The following CSMD3 variants were observed in gnomAD, a reference collection of about 807,000 sequenced individuals.
CSMD3 encodes CUB and Sushi multiple domains 3, also known as CUB and sushi domain-containing protein 3.
A neutral mutation model predicts 435.2 loss-of-function variants in CSMD3; 177 were observed. The ratio of observed to expected loss-of-function variants is 0.41; its 90% CI spans 0.36 to 0.46. The LOEUF is 0.46. CSMD3 is among the 20% of genes least tolerant of loss of function. The pLI is 0.34. For synonymous variants in CSMD3, 1,656 were observed against 1,520.5 expected (o/e 1.09, Z -2.07); for missense variants, 4,265 against 4,504.6 (o/e 0.95, Z 1.52).
intron 24 of CSMD3, among the ~76,000 whole-genome samples, chr8:112,569,570 T>G (rs1296104366): frequency 6.6e-6 from 1 of 152,162 alleles, no homozygotes; most frequent in Non-Finnish European, 1.5e-5. Flanking sequence ...CAAATGCAGT[T>G]TTATCTACCC....
At chr8:112,443,155 T>C (rs73702810) in intron 32 of CSMD3, among the ~76,000 whole-genome samples, 2,666 of 152,282 alleles carry the variant, frequency 0.018, 80 homozygotes, top group African/African-American at 0.061. Flanking sequence ...GTGGAGTGTT[T>C]AAGACACTAG....
At chr8:112,260,074 C>G (rs1489758792) in intron 61 of CSMD3, among the ~76,000 whole-genome samples, 1 of 152,110 alleles carries the variant, frequency 6.6e-6, no homozygotes, top group Non-Finnish European at 1.5e-5. Context: ...ACTTAAGACA[C>G]AGAATTTCTT....
intron 1 of CSMD3, among the ~76,000 whole-genome samples, chr8:113,343,800 G>A (rs1258468053): frequency 6.6e-6 from 1 of 152,078 alleles, no homozygotes; most frequent in Non-Finnish European, 1.5e-5. Context: ...AGCCGGGTGC[G>A]GTGGCTCATG....
chr8:112,281,614 T>G (rs993512590), intron 58 of CSMD3, among the ~76,000 whole-genome samples: 14 of 152,104 alleles, frequency 9.2e-5, no homozygotes, highest in African/African-American at 3.4e-4. Flanking sequence ...AAAATAATTA[T>G]TCAAAGAGTA....
intron 32 of CSMD3, among the ~76,000 whole-genome samples, chr8:112,420,194 T>C (rs1812325655): frequency 6.6e-6 from 1 of 152,150 alleles, no homozygotes; most frequent in Non-Finnish European, 1.5e-5. Flanking sequence ...GACATAATAG[T>C]AAACACCCAT....
intron 31 of CSMD3, among the ~76,000 whole-genome samples, chr8:112,476,516 C>T (rs1175126358): frequency 6.6e-6 from 1 of 152,056 alleles, no homozygotes; most frequent in Non-Finnish European, 1.5e-5. Flanking sequence ...AATTTTTTTA[C>T]ATGTAATATC....
rs528697453 is a variant in CSMD3 at position 112,280,753 on chromosome 8, G to A, written c.9508+421C>T. On this transcript the variant is annotated intron_variant, in intron 59 of 70. Transcript: ENST00000297405. Reference sequence around the variant, plus strand: ...ATAACAAGAGAGCAAATCAGTTATCGAGACTCACTACGACAGTGCAAGAAC... The same window carrying A: ...ATAACAAGAGAGCAAATCAGTTATCAAGACTCACTACGACAGTGCAAGAAC... Among the ~76,000 whole-genome samples, 13 of 152,156 alleles carry A rather than the reference G, an allele frequency of 8.5e-5. No individual in the cohort carries two copies. The East Asian group carries it at 1.5e-3, about 18-fold the overall frequency.
intron 5 of CSMD3, among the ~76,000 whole-genome samples, chr8:113,028,000 T>C (rs1270595467): frequency 6.6e-6 from 1 of 152,128 alleles, no homozygotes; most frequent in Non-Finnish European, 1.5e-5. Flanking sequence ...TTTGCATTTT[T>C]GTTTATTGTG....
At chr8:112,335,275 C>T (rs1824449094) in intron 45 of CSMD3, 54 bp downstream of exon 45, 7 of 1,549,858 alleles carry the variant, frequency 4.5e-6, no homozygotes, top group South Asian at 3.4e-5. Context: ...TCACTTTTTT[C>T]CAGGACAAAT....
chr8:113,409,257 A>AT (rs560966097), intron 1 of CSMD3, among the ~76,000 whole-genome samples: 53 of 150,084 alleles, frequency 3.5e-4, no homozygotes, highest in African/African-American at 1.1e-3. Flanking sequence ...TAATTTTTGT[A>AT]TTTTTTTAGT....
chr8:113,227,318 G>A (rs1274718665), intron 3 of CSMD3, among the ~76,000 whole-genome samples: 1 of 151,604 alleles, frequency 6.6e-6, no homozygotes, highest in Admixed American at 6.6e-5. Flanking sequence ...TCTAGGACAT[G>A]TGCCTTACTT....
chr8:112,565,882 T>C (rs1406085932), intron 24 of CSMD3, among the ~76,000 whole-genome samples: 3 of 151,962 alleles, frequency 2.0e-5, no homozygotes, highest in African/African-American at 4.8e-5. Flanking sequence ...CTTCAACAAA[T>C]AGAGTTTAGA....
intron 28 of CSMD3, among the ~76,000 whole-genome samples, chr8:112,508,633 C>G (rs944947798): frequency 6.6e-5 from 10 of 152,064 alleles, no homozygotes; most frequent in African/African-American, 2.4e-4. Context: ...TTCTCTCTAG[C>G]TTTGTTTAGC....
At chr8:113,255,669 T>C (rs1000725915) in intron 3 of CSMD3, among the ~76,000 whole-genome samples, 2 of 151,906 alleles carry the variant, frequency 1.3e-5, no homozygotes, top group African/African-American at 2.4e-5. Context: ...TAATAAAGGG[T>C]GCCAACAAAT....
chr8:113,114,612 T>C (rs1308559556), intron 4 of CSMD3, among the ~76,000 whole-genome samples: 1 of 152,118 alleles, frequency 6.6e-6, no homozygotes, highest in Admixed American at 6.6e-5. Context: ...GTACAGTAAT[T>C]TTTTATTCTT....
chr8:112,313,347 G>A (rs1407486469), intron 49 of CSMD3, among the ~76,000 whole-genome samples: 4 of 151,916 alleles, frequency 2.6e-5, no homozygotes, highest in Non-Finnish European at 5.9e-5. Flanking sequence ...TCTCTCTTTC[G>A]ACATTTAAGA....
intron 35 of CSMD3, among the ~76,000 whole-genome samples, chr8:112,401,266 C>A (rs917692883): frequency 5.3e-5 from 8 of 151,774 alleles, no homozygotes; most frequent in Admixed American, 2.0e-4. Flanking sequence ...CTATGTTTCA[C>A]AAATATTCTC....
At chr8:112,688,039 A>T (rs567484725) in intron 14 of CSMD3, among the ~76,000 whole-genome samples, 1 of 152,320 alleles carries the variant, frequency 6.6e-6, no homozygotes, top group Non-Finnish European at 1.5e-5. Context: ...TGCAAACCAT[A>T]CGATCTCCTT....
intron 1 of CSMD3, among the ~76,000 whole-genome samples, chr8:113,342,273 C>T (rs2094124770): frequency 6.6e-6 from 1 of 152,022 alleles, no homozygotes; most frequent in African/African-American, 2.4e-5. Context: ...AGGGAAAGAA[C>T]TGATTGTTTC....
Sources: gnomAD v4.1 joint callset for allele counts (sites outside exome capture counted in the v4.1 genomes callset) on GRCh38, gnomAD v4.1.1 for gene constraint, MANE v1.5 for transcripts, NCBI Gene and HGNC (gene_info 2026-07-23, HGNC 2026-07-21) for gene names.